Variants in MAGI1 observed in about 807,000 individuals in gnomAD.
MAGI1 encodes membrane associated guanylate kinase, WW and PDZ domain containing 1.
In MAGI1, 58 loss-of-function variants were observed where a neutral mutation model predicts 139.9. The ratio of observed to expected loss-of-function variants is 0.41; its 90% CI spans 0.34 to 0.52. MAGI1 has a LOEUF of 0.52. Ranked by LOEUF, MAGI1 falls within the 20% of genes least tolerant of loss-of-function variation. The pLI, the probability that MAGI1 is intolerant of heterozygous loss-of-function variation, is 0.12. For synonymous variants in MAGI1, 812 were observed against 737.9 expected, an observed-to-expected ratio of 1.10 and a Z score of -1.63; for missense variants, 1,874 against 1,901.6, an observed-to-expected ratio of 0.99 and a Z score of 0.27.
chr3:65,983,163 T>A (rs572452361), intron 1 of MAGI1, among the ~76,000 whole-genome samples: 8 of 152,316 alleles, frequency 5.3e-5, no homozygotes, highest in African/African-American at 1.9e-4. Context: ...AAGGGGTTTC[T>A]CAGAATAGAG....
intron 1 of MAGI1, among the ~76,000 whole-genome samples, chr3:65,938,970 T>C (rs1359261267): frequency 2.0e-5 from 3 of 152,226 alleles, no homozygotes; most frequent in Non-Finnish European, 2.9e-5. Flanking sequence ...TATCCTGTCC[T>C]GTTTAACTCA....
chr3:65,539,129 C>A (rs564913744), intron 2 of MAGI1, among the ~76,000 whole-genome samples: 17 of 152,150 alleles, frequency 1.1e-4, no homozygotes, highest in African/African-American at 4.1e-4. Flanking sequence ...TACCGTCAAA[C>A]AGACACATGT....
intron 22 of MAGI1, 106 bp from the exon 23 acceptor site, chr3:65,357,238 A>C: frequency 1.7e-6 from 2 of 1,173,438 alleles, no homozygotes; most frequent in Non-Finnish European, 1.2e-6. Flanking sequence ...CAAGCAAACA[A>C]CTGTTAAAGC....
At chr3:65,712,966 G>C (rs978252533) in intron 1 of MAGI1, among the ~76,000 whole-genome samples, 3 of 152,098 alleles carry the variant, frequency 2.0e-5, no homozygotes, top group Non-Finnish European at 4.4e-5. Flanking sequence ...TCTCTCACTG[G>C]TAGGCTCTCC....
At chr3:65,462,614 T>C (rs1949883804) in intron 5 of MAGI1, among the ~76,000 whole-genome samples, 1 of 152,226 alleles carries the variant, frequency 6.6e-6, no homozygotes, top group Admixed American at 6.5e-5. Flanking sequence ...TTTTTCTGGT[T>C]CTATATGAAA....
At chr3:65,764,567 T>TA (rs1482276834) in intron 1 of MAGI1, among the ~76,000 whole-genome samples, 4 of 152,204 alleles carry the variant, frequency 2.6e-5, no homozygotes, top group Non-Finnish European at 2.9e-5. Flanking sequence ...CTTAAAGTTT[T>TA]AAAAAAGGCT....
rs570358632 is a variant in MAGI1, at chr3:65,834,332, TCAAA to T, written c.313+203660_313+203663del. On this transcript the variant is annotated intron_variant, in intron 1 of 22. Transcript: ENST00000402939. ...GGGAAGAGCATTCCACACAGAAACC[TCAAA>T]CAGTGTGAATGAGCTTAACATGTTC... 6.2e-4 allele frequency among the ~76,000 whole-genome samples: 95 copies of T among 152,268 alleles called. 2 individuals are homozygous for T. Among genetic ancestry groups the T allele is most frequent in the African/African-American group, 2.1e-3 (88 of 41,572 alleles).
chr3:65,955,870 T>C (rs2064101104), intron 1 of MAGI1, among the ~76,000 whole-genome samples: 2 of 152,054 alleles, frequency 1.3e-5, no homozygotes, highest in Admixed American at 1.3e-4. Context: ...GTGTTCTGTT[T>C]GTTTTCGGTG....
intron 15 of MAGI1, among the ~76,000 whole-genome samples, chr3:65,382,491 A>C (rs75159649): frequency 0.088 from 13,454 of 152,220 alleles, 834 homozygotes; most frequent in Middle Eastern, 0.17. Flanking sequence ...AAATACTCTT[A>C]AATGAATGAA....
intron 1 of MAGI1, among the ~76,000 whole-genome samples, chr3:65,681,140 C>T (rs2087564720): frequency 6.6e-6 from 1 of 152,180 alleles, no homozygotes; most frequent in Admixed American, 6.5e-5. Flanking sequence ...GAAAACAGGG[C>T]TTAGGTACTA....
intron 1 of MAGI1, among the ~76,000 whole-genome samples, chr3:65,924,149 A>G (rs2108751587): frequency 6.6e-6 from 1 of 152,294 alleles, no homozygotes; most frequent in East Asian, 1.9e-4. Context: ...CTCATTTAAA[A>G]CCTTGATTTA....
chr3:65,983,725 C>T (rs1483252194), intron 1 of MAGI1, among the ~76,000 whole-genome samples: 1 of 152,126 alleles, frequency 6.6e-6, no homozygotes, highest in Non-Finnish European at 1.5e-5. Context: ...ACTCAGCACT[C>T]CTCCTAGAGA....
At chr3:66,002,064 T>C (rs1365269536) in intron 1 of MAGI1, among the ~76,000 whole-genome samples, 5 of 152,164 alleles carry the variant, frequency 3.3e-5, no homozygotes, top group Admixed American at 2.6e-4. Flanking sequence ...CTCAATTTCA[T>C]AGATTGAGTC....
chr3:65,669,252 A>T (rs1039587941), intron 1 of MAGI1, among the ~76,000 whole-genome samples: 1 of 152,200 alleles, frequency 6.6e-6, no homozygotes, highest in Non-Finnish European at 1.5e-5. Flanking sequence ...TAAGATTAGA[A>T]AACAAAAAGA....
intron 14 of MAGI1, among the ~76,000 whole-genome samples, chr3:65,387,412 T>C (rs564445780): frequency 6.6e-6 from 1 of 151,636 alleles, no homozygotes; most frequent in Admixed American, 6.6e-5. Context: ...AGTGCTTTAC[T>C]TGTAAAAAAG....
chr3:65,631,427 C>T (rs530176357), intron 1 of MAGI1, among the ~76,000 whole-genome samples: 109 of 152,268 alleles, frequency 7.2e-4, no homozygotes, highest in African/African-American at 2.3e-3. Context: ...TTAAGGGCTA[C>T]GTAGTATTTT....
chr3:65,695,169 G>T (rs998983729), intron 1 of MAGI1, among the ~76,000 whole-genome samples: 1 of 152,064 alleles, frequency 6.6e-6, no homozygotes, highest in African/African-American at 2.4e-5. Flanking sequence ...AACCGATAAG[G>T]TAGAAAAAAG....
intron 1 of MAGI1, among the ~76,000 whole-genome samples, chr3:65,940,202 T>C (rs1261720454): frequency 6.6e-6 from 1 of 152,166 alleles, no homozygotes; most frequent in African/African-American, 2.4e-5. Context: ...CAGAGAGCGC[T>C]TAGGGAAAGC....
intron 1 of MAGI1, among the ~76,000 whole-genome samples, chr3:65,697,676 C>A (rs1224910579): frequency 1.8e-5 from 2 of 110,470 alleles, no homozygotes; most frequent in African/African-American, 4.4e-5. Context: ...ATTCAATAAC[C>A]CTTCATGCTA....
Sources: allele counts gnomAD v4.1 joint callset (sites outside exome capture counted in the v4.1 genomes callset), GRCh38; gene constraint gnomAD v4.1.1; transcripts MANE v1.5; gene names NCBI Gene and HGNC (gene_info 2026-07-23, HGNC 2026-07-21).